The following CNTNAP2 variants were observed in gnomAD, a reference collection of about 807,000 sequenced individuals.
CNTNAP2 encodes the protein contactin associated protein 2.
In CNTNAP2, 98 loss-of-function variants were observed where a neutral mutation model predicts 155.2. The ratio of observed to expected loss-of-function variants is 0.63; its 90% confidence interval spans 0.54 to 0.75. CNTNAP2 has a LOEUF of 0.75. Among genes scored for constraint, CNTNAP2 ranks in the 30% least tolerant of loss-of-function variants. The pLI, the probability that CNTNAP2 is intolerant of heterozygous loss-of-function variation, is 0.00. For missense variants in CNTNAP2, 1,727 were observed against 1,688.1 expected, an observed-to-expected ratio of 1.02 and a Z score of -0.40; for synonymous variants, 651 against 631.2, an observed-to-expected ratio of 1.03 and a Z score of -0.47.
intron 1 of CNTNAP2, among the ~76,000 whole-genome samples, chr7:146,728,571 C>T (rs776908993): frequency 6.7e-6 from 1 of 148,494 alleles, no homozygotes; most frequent in African/African-American, 2.5e-5. Flanking sequence ...GGTTGTACAC[C>T]GTAAATCTAT....
At chr7:147,379,385 A>T (rs894483216) in intron 9 of CNTNAP2, among the ~76,000 whole-genome samples, 2 of 151,942 alleles carry the variant, frequency 1.3e-5, no homozygotes, top group Non-Finnish European at 2.9e-5. Flanking sequence ...TGTTCATTAT[A>T]CTTGTTTTCT....
chr7:147,851,020 C>T (rs1419580376), intron 13 of CNTNAP2, among the ~76,000 whole-genome samples: 3 of 152,070 alleles, frequency 2.0e-5, no homozygotes, highest in African/African-American at 7.2e-5. Context: ...TGCAATCTAC[C>T]CATCTGACAA....
intron 11 of CNTNAP2, among the ~76,000 whole-genome samples, chr7:147,555,862 C>G (rs1346958955): frequency 6.6e-6 from 1 of 152,218 alleles, no homozygotes; most frequent in Non-Finnish European, 1.5e-5. Flanking sequence ...TAGCTCTTCT[C>G]CTAGGGAATA....
intron 3 of CNTNAP2, among the ~76,000 whole-genome samples, chr7:147,015,563 TG>T (rs1798710626): frequency 6.6e-6 from 1 of 152,074 alleles, no homozygotes; most frequent in Non-Finnish European, 1.5e-5. Flanking sequence ...AAGAGAACCT[TG>T]GAGATGCTGT....
intron 18 of CNTNAP2, among the ~76,000 whole-genome samples, chr7:148,201,928 C>G (rs73744775): frequency 6.6e-6 from 1 of 151,672 alleles, no homozygotes; most frequent in Non-Finnish European, 1.5e-5. Context: ...TTGACGCACA[C>G]GGTTGTTGTT....
intron 15 of CNTNAP2, among the ~76,000 whole-genome samples, chr7:148,062,233 A>G (rs1803171637): frequency 6.6e-6 from 1 of 152,110 alleles, no homozygotes; most frequent in African/African-American, 2.4e-5. Context: ...GCAAATAATA[A>G]TTAAAGGAAA....
intron 3 of CNTNAP2, among the ~76,000 whole-genome samples, chr7:146,946,548 A>G (rs1797178760): frequency 6.6e-6 from 1 of 151,760 alleles, no homozygotes; most frequent in Non-Finnish European, 1.5e-5. Flanking sequence ...GGAACTGGCT[A>G]TTAGAAAAAA....
At chr7:146,345,943 A>G (rs1002494731) in intron 1 of CNTNAP2, among the ~76,000 whole-genome samples, 1 of 152,150 alleles carries the variant, frequency 6.6e-6, no homozygotes, top group Non-Finnish European at 1.5e-5. Context: ...CCCCATGAAT[A>G]ATAAATGAAT....
Position 147,083,836 on chromosome 7 carries a change from A to G in CNTNAP2, c.551-24311A>G, listed in dbSNP as rs1344793355. Among the ~76,000 whole-genome samples, 3 of 141,590 alleles carry G rather than the reference A, an allele frequency of 2.1e-5. No homozygotes were observed. The South Asian group carries it at 6.8e-4, about 32-fold the overall frequency. The allele number at this position is 141,590 out of a possible 152,430, so 92.9% of individuals were successfully genotyped here. A position where few individuals can be genotyped will look rare whatever the true frequency, so the allele number is the denominator to read the frequency against. On this transcript the variant is annotated intron_variant, in intron 4 of 23. Transcript: ENST00000361727. ...ACATATTATATACATATACACATGT[A>G]TGTACATATTATATACATATACACA... is the stretch of plus-strand genomic sequence containing the variant.
At chr7:146,715,542 T>C (rs1801172993) in intron 1 of CNTNAP2, among the ~76,000 whole-genome samples, 1 of 152,074 alleles carries the variant, frequency 6.6e-6, no homozygotes, top group South Asian at 2.1e-4. Flanking sequence ...TTTTGATTTG[T>C]ATACAGTTTC....
chr7:146,699,352 A>G (rs1293349628), intron 1 of CNTNAP2, among the ~76,000 whole-genome samples: 1 of 152,144 alleles, frequency 6.6e-6, no homozygotes, highest in African/African-American at 2.4e-5. Flanking sequence ...CTTATCTTAA[A>G]TAAGATCTGA....
intron 18 of CNTNAP2, among the ~76,000 whole-genome samples, chr7:148,179,794 C>T (rs529012572): frequency 2.0e-5 from 3 of 152,142 alleles, no homozygotes; most frequent in Admixed American, 2.0e-4. Flanking sequence ...AAAGAAAGGT[C>T]CCAGACTCCT....
chr7:147,924,624 C>T (rs1197851357), intron 14 of CNTNAP2, among the ~76,000 whole-genome samples: 3 of 152,108 alleles, frequency 2.0e-5, no homozygotes, highest in Admixed American at 6.5e-5. Flanking sequence ...CATGATACTC[C>T]ACCTCCTGTA....
intron 1 of CNTNAP2, among the ~76,000 whole-genome samples, chr7:146,294,068 C>T (rs1011926834): frequency 6.6e-6 from 1 of 152,164 alleles, no homozygotes; most frequent in African/African-American, 2.4e-5. Context: ...TGTCTTCATT[C>T]ACTCCATACT....
At chr7:147,489,950 G>A (rs1348681283) in intron 11 of CNTNAP2, among the ~76,000 whole-genome samples, 1 of 152,122 alleles carries the variant, frequency 6.6e-6, no homozygotes, top group Non-Finnish European at 1.5e-5. Flanking sequence ...TCCTTGTGTG[G>A]AACTGCTCTA....
At chr7:147,210,878 A>G (rs535383531) in intron 8 of CNTNAP2, among the ~76,000 whole-genome samples, 5 of 152,082 alleles carry the variant, frequency 3.3e-5, no homozygotes, top group African/African-American at 1.2e-4. Flanking sequence ...GTAATCATGT[A>G]GTTTTGAGGG....
At chr7:146,180,690 C>T (rs910318399) in intron 1 of CNTNAP2, among the ~76,000 whole-genome samples, 2 of 152,254 alleles carry the variant, frequency 1.3e-5, no homozygotes, top group East Asian at 3.9e-4. Flanking sequence ...TCCATTTATT[C>T]TTCATACCAA....
chr7:147,423,561 G>T (rs1797332054), intron 10 of CNTNAP2, among the ~76,000 whole-genome samples: 1 of 152,126 alleles, frequency 6.6e-6, no homozygotes, highest in African/African-American at 2.4e-5. Context: ...CATCCTTGCA[G>T]ATTTTAATGC....
chr7:146,477,278 A>G (rs1056005744), intron 1 of CNTNAP2, among the ~76,000 whole-genome samples: 1 of 152,200 alleles, frequency 6.6e-6, no homozygotes, highest in African/African-American at 2.4e-5. Context: ...AGATTATTTT[A>G]AAAACAAAAT....
Sources: allele counts gnomAD v4.1 joint callset (sites outside exome capture counted in the v4.1 genomes callset), GRCh38; gene constraint gnomAD v4.1.1; transcripts MANE v1.5; gene names NCBI Gene and HGNC (gene_info 2026-07-23, HGNC 2026-07-21).